LRRC4C: variants seen among roughly 807,000 people sequenced by gnomAD.
The protein encoded by LRRC4C is leucine rich repeat containing 4C.
LRRC4C carries 5 observed loss-of-function variants against 33.6 expected under a neutral mutation model. The ratio of observed to expected loss-of-function variants is 0.15; its 90% CI spans 0.08 to 0.31. LRRC4C has a LOEUF of 0.31. Ranked by LOEUF, LRRC4C falls within the 10% of genes least tolerant of loss-of-function variation. LRRC4C has a pLI of 1.00. For synonymous variants in LRRC4C, 329 were observed against 302.0 expected (o/e 1.09, Z -0.93); for missense variants, 560 against 796.7 (o/e 0.70, Z 3.58).
At chr11:40,423,195 A>C (rs982461506) in intron 3 of LRRC4C, among the ~76,000 whole-genome samples, 2 of 152,164 alleles carry the variant, frequency 1.3e-5, no homozygotes, top group Non-Finnish European at 2.9e-5. Context: ...TTCTAGATTT[A>C]AGAAAGTGAT....
chr11:41,298,446 C>T (rs1591192099), intron 1 of LRRC4C, among the ~76,000 whole-genome samples: 1 of 151,894 alleles, frequency 6.6e-6, no homozygotes, highest in East Asian at 1.9e-4. Flanking sequence ...ATACTCACCA[C>T]CTGTAAGCTA....
At chr11:40,635,932 C>A (rs898591487) in intron 3 of LRRC4C, among the ~76,000 whole-genome samples, 4 of 151,988 alleles carry the variant, frequency 2.6e-5, no homozygotes, top group Non-Finnish European at 1.5e-5. Flanking sequence ...AGGCACTGCG[C>A]CCGGCCAGAA....
chr11:40,526,481 TCAACTCC>T (rs1439219330), intron 3 of LRRC4C, among the ~76,000 whole-genome samples: 1 of 151,848 alleles, frequency 6.6e-6, no homozygotes, highest in African/African-American at 2.4e-5. Context: ...TGAAAGACAC[TCAACTCC>T]ATTAGTCACC....
At chr11:40,866,176 A>AG (rs980573762) in intron 2 of LRRC4C, among the ~76,000 whole-genome samples, 22 of 151,362 alleles carry the variant, frequency 1.5e-4, no homozygotes, top group Non-Finnish European at 2.9e-5. Context: ...ACTTAAAAAA[A>AG]AAAAAAAAAG....
chr11:40,801,753 A>T (rs539344317), intron 2 of LRRC4C, among the ~76,000 whole-genome samples: 9 of 151,674 alleles, frequency 5.9e-5, no homozygotes, highest in Non-Finnish European at 1.2e-4. Context: ...AGTACCAGAA[A>T]TTTTTTTTTG....
intron 3 of LRRC4C, among the ~76,000 whole-genome samples, chr11:40,467,937 T>G (rs147510074): frequency 6.6e-6 from 1 of 152,152 alleles, no homozygotes; most frequent in Non-Finnish European, 1.5e-5. Flanking sequence ...GTTGGGAAAG[T>G]AGAAATTGCC....
At chr11:40,953,090 A>C (rs1192257630) in intron 1 of LRRC4C, among the ~76,000 whole-genome samples, 1 of 151,852 alleles carries the variant, frequency 6.6e-6, no homozygotes, top group Non-Finnish European at 1.5e-5. Flanking sequence ...TTTGCTCTAA[A>C]ATGTTTCTTC....
chr11:40,907,637 T>G (rs909717396), intron 2 of LRRC4C, among the ~76,000 whole-genome samples: 1 of 152,232 alleles, frequency 6.6e-6, no homozygotes, highest in Non-Finnish European at 1.5e-5. Context: ...TGAAACTGTG[T>G]AGCCTTTAAA....
At chr11:41,030,755 G>A (rs1183631452) in intron 1 of LRRC4C, among the ~76,000 whole-genome samples, 4 of 151,420 alleles carry the variant, frequency 2.6e-5, no homozygotes, top group Non-Finnish European at 4.4e-5. Context: ...CAGAATATGA[G>A]AAATAAAATG....
chr11:40,367,470 T>C (rs1235337038), intron 3 of LRRC4C, among the ~76,000 whole-genome samples: 4 of 152,096 alleles, frequency 2.6e-5, no homozygotes, highest in Non-Finnish European at 5.9e-5. Flanking sequence ...CTTGAAAAAC[T>C]GTCATCACTT....
intron 6 of LRRC4C, among the ~76,000 whole-genome samples, chr11:40,122,234 T>G (rs1855876706): frequency 6.6e-6 from 1 of 152,138 alleles, no homozygotes. Flanking sequence ...GACTCATACT[T>G]CCAATTCTTT....
At position 41,084,897 on chromosome 11, in the gene LRRC4C, T is replaced by C. The variant is rs191560989; in HGVS notation, c.-495-151174A>G. 2.0e-5 allele frequency among the ~76,000 whole-genome samples: 3 copies of C among 152,262 alleles called. No individual in the cohort carries two copies. In the East Asian group the frequency reaches 5.8e-4, roughly 29 times the overall value. The stretch of plus-strand genomic sequence containing the variant: ...CAAAAAAAATTCCTTATCCTCTGTA[T>C]TAATTGTAATTTAAGTGGTTGAAAC... On this transcript the variant is annotated intron_variant, in intron 1 of 6. Transcript: ENST00000528697.
chr11:41,226,930 A>G (rs969249104), intron 1 of LRRC4C, among the ~76,000 whole-genome samples: 2 of 152,042 alleles, frequency 1.3e-5, no homozygotes, highest in African/African-American at 4.8e-5. Context: ...CTTATTTCAA[A>G]CAACACAGTA....
intron 3 of LRRC4C, among the ~76,000 whole-genome samples, chr11:40,547,124 G>C (rs1263031157): frequency 6.6e-6 from 1 of 152,020 alleles, no homozygotes; most frequent in Non-Finnish European, 1.5e-5. Flanking sequence ...TGTAGATTTA[G>C]TTTTTCTAAA....
intron 2 of LRRC4C, among the ~76,000 whole-genome samples, chr11:40,729,112 A>AT (rs1947433509): frequency 6.6e-6 from 1 of 152,184 alleles, no homozygotes; most frequent in South Asian, 2.1e-4. Context: ...AAAACTGCAC[A>AT]TGTACCCCCA....
intron 3 of LRRC4C, among the ~76,000 whole-genome samples, chr11:40,563,274 G>C (rs1957625144): frequency 6.6e-6 from 1 of 152,160 alleles, no homozygotes; most frequent in South Asian, 2.1e-4. Flanking sequence ...GCCACATACA[G>C]GGTGAAATGT....
intron 3 of LRRC4C, among the ~76,000 whole-genome samples, chr11:40,462,105 G>A (rs1590814235): frequency 1.3e-5 from 2 of 152,008 alleles, no homozygotes; most frequent in South Asian, 2.1e-4. Context: ...TTTGTAAATG[G>A]CCCCAAATGA....
chr11:41,387,204 CT>C (rs11355712), intron 1 of LRRC4C, among the ~76,000 whole-genome samples: 71,616 of 151,128 alleles, frequency 0.47, 17,205 homozygotes, highest in Admixed American at 0.55. Flanking sequence ...GAGATGATAA[CT>C]TTTTTTTAAA....
intron 1 of LRRC4C, among the ~76,000 whole-genome samples, chr11:40,963,984 G>T (rs1360639810): frequency 6.6e-6 from 1 of 151,618 alleles, no homozygotes; most frequent in African/African-American, 2.4e-5. Context: ...TCCACATCTC[G>T]GTAGGTGGTC....
Sources: allele counts gnomAD v4.1 joint callset (sites outside exome capture counted in the v4.1 genomes callset), GRCh38; gene constraint gnomAD v4.1.1; transcripts MANE v1.5; gene names NCBI Gene and HGNC (gene_info 2026-07-23, HGNC 2026-07-21).